The following THAP8 variants were observed in gnomAD, a reference collection of about 807,000 sequenced individuals.
The protein encoded by THAP8 is THAP domain-containing protein 8.
THAP8 carries 24 observed loss-of-function variants against 25.0 expected under a neutral mutation model. The observed-to-expected ratio is 0.96, with a 90% CI of 0.69 to 1.35. The LOEUF is 1.35. Among genes scored for constraint, THAP8 ranks in the 40% most tolerant of loss-of-function variants. The probability of loss-of-function intolerance (pLI) is 0.00; values close to 1 mark genes in which losing one functional copy is unlikely to be tolerated. For synonymous variants in THAP8, 169 were observed against 157.6 expected (o/e 1.07, Z -0.54); for missense variants, 399 against 368.8 (o/e 1.08, Z -0.67).
chr19:36,046,693 G>A (rs1969891972), intron 1 of THAP8, among the ~76,000 whole-genome samples: 1 of 152,160 alleles, frequency 6.6e-6, no homozygotes, highest in African/African-American at 2.4e-5. Flanking sequence ...TATTGCAACA[G>A]CATTCCCCAT....
intron 3 of THAP8, among the ~76,000 whole-genome samples, chr19:36,038,222 C>A (rs1438525055): frequency 6.6e-6 from 1 of 151,632 alleles, no homozygotes; most frequent in Non-Finnish European, 1.5e-5. Flanking sequence ...GGATTACGGG[C>A]ATGAGCCACC....
intron 1 of THAP8, among the ~76,000 whole-genome samples, chr19:36,040,946 A>G (rs1969671136): frequency 6.6e-6 from 1 of 152,172 alleles, no homozygotes; most frequent in African/African-American, 2.4e-5. Context: ...TGCCTACAAC[A>G]AACAATTCAG....
At position 36,036,960 on chromosome 19, in the gene THAP8, A is replaced by AAG. The variant is rs1969475568; in HGVS notation, c.673-1369_673-1368insCT. Among the ~76,000 whole-genome samples, 4 of 148,718 alleles carry AAG rather than the reference A, an allele frequency of 2.7e-5. No individual in the cohort carries two copies. The Admixed American group carries it at 2.7e-4, about 10-fold the overall frequency. ...CTTCTCAAAAAAAAAAAAAAAAAAA[A>AAG]TCGGATACTCCTTAACTCCAGAGGT... On this transcript the variant is annotated intron_variant, in intron 3 of 3. Coordinates refer to ENST00000292894, the MANE Select transcript of THAP8 (RefSeq NM_152658.3).
intron 1 of THAP8, among the ~76,000 whole-genome samples, chr19:36,040,978 T>C (rs1050303132): frequency 5.9e-5 from 9 of 151,828 alleles, no homozygotes; most frequent in Admixed American, 1.3e-4. Flanking sequence ...TTTAAGACAA[T>C]TGGGGAAAAC....
chr19:36,043,663 C>T (rs1186716874), intron 1 of THAP8, among the ~76,000 whole-genome samples: 2 of 152,006 alleles, frequency 1.3e-5, no homozygotes, highest in Non-Finnish European at 2.9e-5. Context: ...AGTCAGACCT[C>T]AAGTGATTTT....
At chr19:36,036,081 GC>G (rs1969430475) in intron 3 of THAP8, among the ~76,000 whole-genome samples, 1 of 151,898 alleles carries the variant, frequency 6.6e-6, no homozygotes, top group Non-Finnish European at 1.5e-5. Flanking sequence ...AGGGGATCTG[GC>G]AGGCTCCACA....
intron 1 of THAP8, 86 bp from the exon 2 acceptor site, chr19:36,040,222 G>A: frequency 7.2e-7 from 1 of 1,385,612 alleles, no homozygotes; most frequent in South Asian, 1.4e-5. Context: ...AGGTCTCTGG[G>A]CTCCAAGCCT....
At position 36,039,440 on chromosome 19, in the gene THAP8, C is replaced by CTGGT. The variant is rs769025349; in HGVS notation, c.554_555insACCA (p.Arg186ProfsTer49). ...GCCGCTCCTGGCACCGTTGCAGCCT[C>CTGGT]CGCACCCGGCGTTGCAGTGCTCCCA... On this transcript the variant is annotated frameshift_variant, in exon 3 of 4. Transcript: ENST00000292894. LOFTEE classifies it high-confidence loss of function. 6.3e-7 allele frequency: 1 copy of CTGGT among 1,590,128 alleles called. No individual in the cohort carries two copies.
intron 1 of THAP8, among the ~76,000 whole-genome samples, chr19:36,049,326 C>T (rs1160261247): frequency 2.0e-5 from 3 of 151,574 alleles, no homozygotes; most frequent in Non-Finnish European, 4.4e-5. Context: ...GATCGCACCA[C>T]AGTACTCCAG....
rs1356086967 is a variant in THAP8, at chr19:36,048,851, AAAAAACAAAAAAAC to A, written c.83+5270_83+5283del. 2.2e-5 allele frequency among the ~76,000 whole-genome samples: 3 copies of A among 136,986 alleles called. No individual in the cohort carries two copies. In the East Asian group the frequency reaches 6.4e-4, roughly 29 times the overall value. 89.9% of individuals were successfully genotyped at this position (136,986 alleles called of 152,430 possible). Reference sequence around the variant, plus strand: ...TAAAGACCCCTTCTTTAAAAAAAAAAAAAAACAAAAAAACAAAAAACACCTTTGTTGTAGTAAGC... The same window carrying A: ...TAAAGACCCCTTCTTTAAAAAAAAAAAAAAAACACCTTTGTTGTAGTAAGC... On this transcript the variant is annotated intron_variant, in intron 1 of 3. Transcript: ENST00000292894.
In THAP8 at chr19:36,040,136, C is replaced by G; in HGVS notation, c.84G>C (p.Lys28Asn). ...GADNRPVSFYKFPLKDGPRLQ... is the reference protein window; with the variant it reads ...GADNRPVSFYNFPLKDGPRLQ... ...GCCGGGGACCATCCTTCAGTGGGAA[C>G]CTGCATGGGTGGTTGGGGGGCTGGG... Residue 28 changes from lysine (K) to asparagine (N), a missense_variant and splice_region_variant, in exon 2 of 4, where the codon AAG (lysine) becomes AAC (asparagine). Coordinates refer to ENST00000292894, the MANE Select transcript of THAP8 (RefSeq NM_152658.3). The G allele has an allele frequency of 6.2e-7, 1 of 1,601,142 alleles. No homozygotes were observed. Among genetic ancestry groups the G allele is most frequent in the Non-Finnish European group, 8.5e-7 (1 of 1,172,658 alleles).
intron 1 of THAP8, among the ~76,000 whole-genome samples, chr19:36,041,986 A>C (rs1969708094): frequency 6.7e-6 from 1 of 149,886 alleles, no homozygotes; most frequent in African/African-American, 2.4e-5. Flanking sequence ...TTAGGAGGCA[A>C]TGTGGGAGGA....
intron 3 of THAP8, among the ~76,000 whole-genome samples, chr19:36,037,023 T>C (rs555170634): frequency 8.6e-5 from 13 of 151,576 alleles, no homozygotes; most frequent in African/African-American, 3.1e-4. Context: ...TCAGTGAGTC[T>C]AGCATTCAGA....
intron 1 of THAP8, among the ~76,000 whole-genome samples, chr19:36,049,365 A>G (rs137908478): frequency 1.0e-4 from 14 of 140,276 alleles, no homozygotes; most frequent in African/African-American, 3.7e-4. Context: ...ATCATGTTTC[A>G]AAAAAAAAAA....
At chr19:36,037,445 T>C (rs924161634) in intron 3 of THAP8, among the ~76,000 whole-genome samples, 27 of 151,538 alleles carry the variant, frequency 1.8e-4, no homozygotes, top group African/African-American at 2.2e-4. Flanking sequence ...ATTACAGAGA[T>C]TGCAAACTCC....
At position 36,053,996 on chromosome 19, in the gene THAP8, A is replaced by T. The variant is rs890376824; in HGVS notation, c.83+139T>A. On this transcript the variant is annotated intron_variant, in intron 1 of 3. Coordinates refer to ENST00000292894, the MANE Select transcript of THAP8 (RefSeq NM_152658.3). ...GTATGTGCAATGGACACTGCCAGGA[A>T]GGCCATCTCCTCATGGTTTAACCCC... 5 of 858,662 alleles carry T rather than the reference A, an allele frequency of 5.8e-6. No individual in the cohort carries two copies. The African/African-American group carries it at 8.3e-5, about 14-fold the overall frequency. The allele number at this position is 858,662 out of a possible 1,614,324, so 53.2% of individuals were successfully genotyped here. A position where few individuals can be genotyped will look rare whatever the true frequency, so the allele number is the denominator to read the frequency against.
chr19:36,047,854 T>C (rs1346945728), intron 1 of THAP8, among the ~76,000 whole-genome samples: 1 of 150,642 alleles, frequency 6.6e-6, no homozygotes. Context: ...AGAAAAATAG[T>C]GATAGGACCC....
intron 1 of THAP8, among the ~76,000 whole-genome samples, 171 bp from the exon 2 acceptor site, chr19:36,040,307 C>G (rs1257784205): frequency 6.6e-6 from 1 of 152,154 alleles, no homozygotes; most frequent in Non-Finnish European, 1.5e-5. Context: ...AACCACAACC[C>G]TTTTTTCAGC....
Position 36,054,233 on chromosome 19 carries a change from G to T in THAP8, c.-16C>A, listed in dbSNP as rs780676662. The T allele has an allele frequency of 1.2e-6, 2 of 1,611,306 alleles. No homozygotes were observed. The highest frequency in any genetic ancestry group is 1.7e-6 in the Non-Finnish European group (2 of 1,178,834). ...ACTTGGGCATGGCTATCCAGCCCCC[G>T]CTGAGTTTTGCCGGGTCAGCGGCTG... On this transcript the variant is annotated 5_prime_UTR_variant, in exon 1 of 4. Coordinates refer to ENST00000292894, the MANE Select transcript of THAP8 (RefSeq NM_152658.3).
Sources: allele counts gnomAD v4.1 joint callset (sites outside exome capture counted in the v4.1 genomes callset), GRCh38; gene constraint gnomAD v4.1.1; transcripts MANE v1.5; gene names NCBI Gene and HGNC (gene_info 2026-07-23, HGNC 2026-07-21).